CNN1: variants seen among roughly 807,000 people sequenced by gnomAD.
The protein encoded by CNN1 is calponin 1, also known as calponin-1.
In CNN1, 21 loss-of-function variants were observed where a neutral mutation model predicts 35.3. That is an observed-to-expected ratio of 0.60 (90% CI 0.42 to 0.86). CNN1 has a LOEUF of 0.86. CNN1 is among the 40% of genes least tolerant of loss of function. CNN1 has a pLI of 0.00. For missense variants in CNN1, 314 were observed against 400.8 expected (o/e 0.78, Z 1.85); for synonymous variants, 164 against 161.8 (o/e 1.01, Z -0.10).
chr19:11,546,335 C>A (rs1054469556), intron 2 of CNN1, among the ~76,000 whole-genome samples: 14 of 149,456 alleles, frequency 9.4e-5, no homozygotes, highest in Non-Finnish European at 2.1e-4. Flanking sequence ...TGGGGGACAC[C>A]TTTCTTTCTT....
intron 1 of CNN1, chr19:11,539,968 G>C: frequency 9.3e-7 from 1 of 1,074,910 alleles, no homozygotes; most frequent in Non-Finnish European, 1.1e-6. Flanking sequence ...ATAAGGGCCG[G>C]TTTGCTTTAT....
intron 1 of CNN1, chr19:11,539,803 G>C: frequency 8.5e-7 from 1 of 1,173,296 alleles, no homozygotes; most frequent in Non-Finnish European, 1.1e-6. Flanking sequence ...GGATCTCGGG[G>C]CTGGAGGAGG....
In CNN1 at chr19:11,546,670, C is replaced by T. The variant is rs1403059935; in HGVS notation, c.186-5C>T. On this transcript the variant is annotated splice_polypyrimidine_tract_variant and splice_region_variant and intron_variant, in intron 2 of 6. Coordinates refer to ENST00000252456, the MANE Select transcript of CNN1 (RefSeq NM_001299.6). ...CCTTTCTTACCCCTTCCCCACTCTT[C>T]TCAGATTCATCAATAAGCTGCAGCC... 6.2e-7 allele frequency: 1 copy of T among 1,614,156 alleles called. No individual in the cohort carries two copies. Among genetic ancestry groups the T allele is most frequent in the Non-Finnish European group, 8.5e-7 (1 of 1,180,020 alleles).
intron 1 of CNN1, chr19:11,540,203 A>T (rs1010465473): frequency 4.4e-5 from 16 of 359,578 alleles, no homozygotes; most frequent in Non-Finnish European, 3.9e-6. Context: ...GGAGAGGCAG[A>T]CAGAGATACT....
intron 1 of CNN1, chr19:11,539,993 G>A (rs1972423724): frequency 9.4e-7 from 1 of 1,064,132 alleles, no homozygotes; most frequent in Non-Finnish European, 1.1e-6. Flanking sequence ...CCGGGCTGGT[G>A]GCGTGGGGGG....
chr19:11,546,801 C>T (rs147357819), intron 3 of CNN1, 31 bp from the exon 4 acceptor site: 55 of 1,614,152 alleles, frequency 3.4e-5, no homozygotes, highest in Non-Finnish European at 4.3e-5. Context: ...CTCCCCTCCC[C>T]ACCCAGTGAC....
At chr19:11,542,453 A>C (rs1972487759) in intron 2 of CNN1, among the ~76,000 whole-genome samples, 1 of 152,018 alleles carries the variant, frequency 6.6e-6, no homozygotes. Context: ...TTAGTCTCAC[A>C]AAGTGCTGGC....
Position 11,549,196 on chromosome 19 carries a change from A to T in CNN1, c.502-127A>T, listed in dbSNP as rs538513539. The T allele has an allele frequency of 7.7e-4, 690 of 897,348 alleles. 3 individuals are homozygous for T. The highest frequency in any genetic ancestry group is 5.1e-3 in the South Asian group (193 of 37,478). 55.6% of individuals were successfully genotyped at this position (897,348 alleles called of 1,614,324 possible). On this transcript the variant is annotated intron_variant, in intron 5 of 6. Coordinates refer to ENST00000252456, the MANE Select transcript of CNN1 (RefSeq NM_001299.6). This position sits in a 1 kb window ranked among gnomAD's most constrained non-coding sequence, Gnocchi z 5.2. ...GAGCAAGACTCCGTCTCAAAAAAAA[A>T]TAAATAAAATAAAATAAAAATTGAA...
chr19:11,547,011 T>C, intron 4 of CNN1, 42 bp downstream of exon 4: 1 of 1,609,240 alleles, frequency 6.2e-7, no homozygotes, highest in Non-Finnish European at 8.5e-7. Flanking sequence ...GTGGGCAGCC[T>C]GGGCTGGGAT....
At chr19:11,545,729 A>G (rs1207740883) in intron 2 of CNN1, among the ~76,000 whole-genome samples, 2 of 147,724 alleles carry the variant, frequency 1.4e-5, no homozygotes, top group African/African-American at 5.0e-5. Flanking sequence ...CTGAGGCAGG[A>G]GGATCGCTTG....
At chr19:11,542,053 T>C (rs552153144) in intron 2 of CNN1, 1 of 150,388 alleles carries the variant, frequency 6.6e-6, no homozygotes, top group Non-Finnish European at 1.5e-5. Context: ...TTTTGTATTT[T>C]TTTTTTTTTT....
At position 11,549,820 on chromosome 19, in the gene CNN1, C is replaced by T. The variant is rs753819176; in HGVS notation, c.*25C>T. 3.8e-6 allele frequency: 6 copies of T among 1,577,808 alleles called. No individual in the cohort carries two copies. Among genetic ancestry groups the T allele is most frequent in the Middle Eastern group, 1.7e-4 (1 of 5,810 alleles). ...GGGCCACAAGGCCTTCCCTGTTTTCCCCCCAAGGGAGGCTGCTGCTGCTCT... is the reference window on the plus strand; with the variant it reads ...GGGCCACAAGGCCTTCCCTGTTTTCTCCCCAAGGGAGGCTGCTGCTGCTCT... On this transcript the variant is annotated 3_prime_UTR_variant, in exon 7 of 7. Coordinates refer to ENST00000252456, the MANE Select transcript of CNN1 (RefSeq NM_001299.6). This position sits in a 1 kb window ranked among gnomAD's most constrained non-coding sequence, Gnocchi z 5.2.
In CNN1 at chr19:11,549,818, T is replaced by G; in HGVS notation, c.*23T>G. ...TAGGGCCACAAGGCCTTCCCTGTTT[T>G]CCCCCCAAGGGAGGCTGCTGCTGCT... On this transcript the variant is annotated 3_prime_UTR_variant, in exon 7 of 7. Coordinates refer to ENST00000252456, the MANE Select transcript of CNN1 (RefSeq NM_001299.6). The surrounding 1 kb of genome is among the most constrained non-coding windows in gnomAD (Gnocchi z 5.2). 2 of 1,581,442 alleles carry G rather than the reference T, an allele frequency of 1.3e-6. No homozygotes were observed. The highest frequency in any genetic ancestry group is 1.1e-5 in the South Asian group (1 of 87,052).
At chr19:11,546,499 C>A (rs1246451958) in intron 2 of CNN1, among the ~76,000 whole-genome samples, 176 bp from the exon 3 acceptor site, 1 of 152,072 alleles carries the variant, frequency 6.6e-6, no homozygotes, top group Non-Finnish European at 1.5e-5. Flanking sequence ...CCACGCCTGG[C>A]TAATTTTTGT....
chr19:11,546,544 C>T (rs949815599), intron 2 of CNN1, 131 bp from the exon 3 acceptor site: 7 of 878,792 alleles, frequency 8.0e-6, no homozygotes, highest in African/African-American at 1.7e-5. Flanking sequence ...CCATGTTGGC[C>T]AGGATAGTCT....
At chr19:11,545,745 A>G (rs970043917) in intron 2 of CNN1, among the ~76,000 whole-genome samples, 4 of 148,548 alleles carry the variant, frequency 2.7e-5, no homozygotes, top group Non-Finnish European at 5.9e-5. Context: ...GCTTGAGCCC[A>G]GGAGTTCAAG....
In CNN1 at chr19:11,549,874, C is replaced by A; in HGVS notation, c.*79C>A. ...CTGGACCCAGCCAGGCCCAGCCGAC[C>A]CCCTCTCCCTGCATGGCATCCTCCA... On this transcript the variant is annotated 3_prime_UTR_variant, in exon 7 of 7. Coordinates refer to ENST00000252456, the MANE Select transcript of CNN1 (RefSeq NM_001299.6). This position sits in a 1 kb window ranked among gnomAD's most constrained non-coding sequence, Gnocchi z 5.2. The A allele has an allele frequency of 6.6e-7, 1 of 1,526,326 alleles. No individual in the cohort carries two copies. 94.5% of individuals were successfully genotyped at this position (1,526,326 alleles called of 1,614,324 possible).
intron 5 of CNN1, among the ~76,000 whole-genome samples, chr19:11,548,293 A>G (rs1972637002): frequency 6.6e-6 from 1 of 152,090 alleles, no homozygotes; most frequent in African/African-American, 2.4e-5. Flanking sequence ...TAATTCCAGC[A>G]CTTGGGGAGG....
rs145204481 is a variant in CNN1 at position 11,544,355 on chromosome 19, G to A, written c.186-2320G>A. 5.3e-4 allele frequency among the ~76,000 whole-genome samples: 80 copies of A among 152,246 alleles called. No individual in the cohort carries two copies. In the East Asian group the frequency reaches 0.014, roughly 26 times the overall value. On this transcript the variant is annotated intron_variant, in intron 2 of 6. Transcript: ENST00000252456. Reference sequence around the variant, plus strand: ...CAGTGCAAAGGCGTGAGGTAGGATCGTGCTTGGGGTGTTCAAGAAACAAGA... The same window carrying A: ...CAGTGCAAAGGCGTGAGGTAGGATCATGCTTGGGGTGTTCAAGAAACAAGA...
Sources: gnomAD v4.1 joint callset for allele counts (sites outside exome capture counted in the v4.1 genomes callset) on GRCh38, gnomAD v4.1.1 for gene constraint, Gnocchi (gnomAD v3.1) non-coding constraint, MANE v1.5 for transcripts, NCBI Gene and HGNC (gene_info 2026-07-23, HGNC 2026-07-21) for gene names.